CCNB2: variants seen among roughly 807,000 people sequenced by gnomAD.
CCNB2 encodes the protein cyclin B2.
In CCNB2, 39 loss-of-function variants were observed where a neutral mutation model predicts 51.1. That is an observed-to-expected ratio of 0.76 (90% CI 0.59 to 1.00). CCNB2 has a LOEUF of 1.00. Among genes scored for constraint, CCNB2 ranks in the 50% least tolerant of loss-of-function variants. The probability of loss-of-function intolerance (pLI) is 0.00; values close to 1 mark genes in which losing one functional copy is unlikely to be tolerated. For synonymous variants in CCNB2, 174 were observed against 165.5 expected (o/e 1.05, Z -0.40); for missense variants, 472 against 470.3 (o/e 1.00, Z -0.03).
intron 3 of CCNB2, among the ~76,000 whole-genome samples, chr15:59,110,708 C>T (rs1213014461): frequency 2.6e-5 from 4 of 152,202 alleles, no homozygotes; most frequent in African/African-American, 9.6e-5. Context: ...AGGTTTCTTT[C>T]TCTGTAGCAG....
intron 3 of CCNB2, among the ~76,000 whole-genome samples, chr15:59,111,835 T>C (rs193296795): frequency 6.6e-6 from 1 of 151,350 alleles, no homozygotes; most frequent in Admixed American, 6.6e-5. Context: ...AATTCTATTC[T>C]ATTCTTTTCT....
At chr15:59,110,723 C>T (rs2079254221) in intron 3 of CCNB2, among the ~76,000 whole-genome samples, 1 of 152,198 alleles carries the variant, frequency 6.6e-6, no homozygotes, top group African/African-American at 2.4e-5. Flanking sequence ...TAGCAGTTGA[C>T]ACAACTGAAT....
rs2079303138 is a variant in CCNB2, at chr15:59,121,866, A to AC, written c.976-1650dup. 3.4e-5 allele frequency among the ~76,000 whole-genome samples: 5 copies of AC among 145,986 alleles called. No individual in the cohort carries two copies. The Admixed American group carries it at 3.5e-4, about 10-fold the overall frequency. ...AGAATTGCCTAAACCCGGAAGGTAGACGTTGCAGTGAGCAGACATTGCACC... is the reference window on the plus strand; with the variant it reads ...AGAATTGCCTAAACCCGGAAGGTAGACCGTTGCAGTGAGCAGACATTGCACC... On this transcript the variant is annotated intron_variant, in intron 7 of 8. Coordinates refer to ENST00000288207, the MANE Select transcript of CCNB2 (RefSeq NM_004701.4).
Position 59,114,507 on chromosome 15 carries a change from G to A in CCNB2, c.331G>A (p.Asp111Asn), listed in dbSNP as rs763591966. The A allele has an allele frequency of 2.0e-5, 32 of 1,613,704 alleles. No homozygotes were observed. In the Admixed American group the frequency reaches 5.2e-4, roughly 26 times the overall value. ...KEENLCQAFS[D>N]ALLCKIEDID... ...AGAGAATCTCTGCCAAGCTTTTTCT[G>A]ATGCCTTGCTCTGCAAAATCGAGGA... Residue 111 changes from aspartate (D) to asparagine (N), a missense_variant, in exon 4 of 9, where the codon GAT becomes AAT. Transcript: ENST00000288207.
Position 59,105,789 on chromosome 15 carries a change from G to A in CCNB2, c.24+497G>A, listed in dbSNP as rs1391280799. ...CAACTGCCAGGCTGTTTTTCAGATT[G>A]TTCACATTTCTTTTTGTATGAGTTT... is the stretch of plus-strand genomic sequence containing the variant. On this transcript the variant is annotated intron_variant, in intron 1 of 8. Coordinates refer to ENST00000288207, the MANE Select transcript of CCNB2 (RefSeq NM_004701.4). 2.6e-5 allele frequency among the ~76,000 whole-genome samples: 4 copies of A among 152,288 alleles called. No homozygotes were observed. In the East Asian group the frequency reaches 7.7e-4, roughly 29 times the overall value.
At position 59,123,544 on chromosome 15, in the gene CCNB2, TAC is replaced by T; in HGVS notation, c.1007_1008del (p.Thr336ArgfsTer3). On this transcript the variant is annotated frameshift_variant, in exon 8 of 9. Transcript: ENST00000288207. LOFTEE classifies it high-confidence loss of function. Reference sequence around the variant, plus strand: ...CTTAAAGCAGCAGTATTACACAGGATACACAGAGAATGAAGTATTGGAAGTCA... The same window carrying T: ...CTTAAAGCAGCAGTATTACACAGGATACAGAGAATGAAGTATTGGAAGTCA... ...WNLKQQYYTG[Y>X]TENEVLEVMQ... The T allele has an allele frequency of 1.2e-6, 2 of 1,612,922 alleles. No individual in the cohort carries two copies. Among genetic ancestry groups the T allele is most frequent in the South Asian group, 1.1e-5 (1 of 91,060 alleles).
At chr15:59,122,565 G>A (rs2079307687) in intron 7 of CCNB2, among the ~76,000 whole-genome samples, 1 of 143,972 alleles carries the variant, frequency 6.9e-6, no homozygotes, top group African/African-American at 2.6e-5. Context: ...TTTGAGACAG[G>A]GTCTCACTGT....
At chr15:59,108,008 AAAAT>A (rs1434987751) in intron 3 of CCNB2, among the ~76,000 whole-genome samples, 5 of 152,148 alleles carry the variant, frequency 3.3e-5, no homozygotes, top group Admixed American at 2.0e-4. Flanking sequence ...CTGAAAAAAA[AAAAT>A]AAATATTACG....
chr15:59,107,815 A>G (rs1487349617), intron 3 of CCNB2, 145 bp downstream of exon 3: 2 of 637,648 alleles, frequency 3.1e-6, no homozygotes, highest in African/African-American at 1.8e-5. Flanking sequence ...GGAAATGAGT[A>G]TATACACCTT....
chr15:59,123,702 G>GGGGGTGGT, intron 8 of CCNB2, 75 bp downstream of exon 8: 1 of 677,806 alleles, frequency 1.5e-6, no homozygotes, highest in Non-Finnish European at 2.6e-6. Context: ...GCGGGGGGGG[G>GGGGGTGGT]CGGTGTGTGC....
chr15:59,124,659 A>G (rs1334558161), intron 8 of CCNB2, 108 bp from the exon 9 acceptor site: 7 of 785,522 alleles, frequency 8.9e-6, no homozygotes, highest in Non-Finnish European at 1.3e-5. Context: ...GGCATCATCA[A>G]TGTGATCATG....
rs565844161 is a variant in CCNB2, at chr15:59,105,357, C to T, written c.24+65C>T. On this transcript the variant is annotated intron_variant, in intron 1 of 8. Coordinates refer to ENST00000288207, the MANE Select transcript of CCNB2 (RefSeq NM_004701.4). ...CGGCCCCACAGCTCCCCTGTCGCTT[C>T]TCTCATCTGCTCCGAGCTTCTCCGT... 165 of 1,497,636 alleles carry T rather than the reference C, an allele frequency of 1.1e-4. 2 individuals are homozygous for T. The South Asian group carries it at 1.9e-3, about 17-fold the overall frequency. 92.8% of individuals were successfully genotyped at this position (1,497,636 alleles called of 1,614,324 possible).
chr15:59,123,334 G>A (rs1234778043), intron 7 of CCNB2, among the ~76,000 whole-genome samples, 183 bp from the exon 8 acceptor site: 3 of 152,178 alleles, frequency 2.0e-5, no homozygotes, highest in Non-Finnish European at 4.4e-5. Context: ...TTTACCAGCT[G>A]CTTTAGTGTT....
At chr15:59,116,623 C>A in intron 5 of CCNB2, 67 bp from the exon 6 acceptor site, 1 of 1,129,164 alleles carries the variant, frequency 8.9e-7, no homozygotes, top group South Asian at 1.4e-5. Flanking sequence ...TTTCCTTTCC[C>A]CTTCTCCCAC....
intron 3 of CCNB2, among the ~76,000 whole-genome samples, chr15:59,108,140 G>T (rs1170822931): frequency 6.6e-6 from 1 of 152,186 alleles, no homozygotes; most frequent in Admixed American, 6.5e-5. Flanking sequence ...TGACAGGAAA[G>T]GGCACGTTTG....
chr15:59,105,717 C>G (rs1490843382), intron 1 of CCNB2, among the ~76,000 whole-genome samples: 1 of 152,186 alleles, frequency 6.6e-6, no homozygotes, highest in Non-Finnish European at 1.5e-5. Context: ...GGGAGGAGGA[C>G]TGGAAGGGTT....
intron 3 of CCNB2, among the ~76,000 whole-genome samples, chr15:59,112,087 A>G (rs1337255588): frequency 6.6e-6 from 1 of 152,018 alleles, no homozygotes; most frequent in East Asian, 1.9e-4. Flanking sequence ...CCTGAGCTGA[A>G]GCAATCCACC....
chr15:59,118,405 C>T (rs2079287866), intron 7 of CCNB2, among the ~76,000 whole-genome samples: 1 of 152,126 alleles, frequency 6.6e-6, no homozygotes, highest in Non-Finnish European at 1.5e-5. Flanking sequence ...ACGAAGCTGT[C>T]TTGGCCGGGT....
In CCNB2 at chr15:59,124,721, C is replaced by G. The variant is rs780294150; in HGVS notation, c.1087-46C>G. On this transcript the variant is annotated intron_variant, in intron 8 of 8. Coordinates refer to ENST00000288207, the MANE Select transcript of CCNB2 (RefSeq NM_004701.4). ...GTGAGTTAGACTAGGAATAAGGTAT[C>G]ATTGGGGGTTCCTGACATGTGCTTA... 3.2e-6 allele frequency: 4 copies of G among 1,253,390 alleles called. No individual in the cohort carries two copies. In the South Asian group the frequency reaches 4.8e-5, roughly 15 times the overall value. 77.6% of individuals were successfully genotyped at this position (1,253,390 alleles called of 1,614,324 possible).
Sources: gnomAD v4.1 joint callset for allele counts (sites outside exome capture counted in the v4.1 genomes callset) on GRCh38, gnomAD v4.1.1 for gene constraint, MANE v1.5 for transcripts, NCBI Gene and HGNC (gene_info 2026-07-23, HGNC 2026-07-21) for gene names.